The following ZNF407 variants were observed in gnomAD, a reference collection of about 807,000 sequenced individuals.
The protein encoded by ZNF407 is zinc finger protein 407.
In ZNF407, 17 loss-of-function variants were observed where a neutral mutation model predicts 131.2. That is an observed-to-expected ratio of 0.13 (90% CI 0.09 to 0.19). ZNF407 has a LOEUF of 0.19. Among genes scored for constraint, ZNF407 ranks in the 10% least tolerant of loss-of-function variants. The pLI is 1.00. For missense variants in ZNF407, 2,681 were observed against 2,830.6 expected, an observed-to-expected ratio of 0.95 and a Z score of 1.20; for synonymous variants, 1,156 against 1,062.0, an observed-to-expected ratio of 1.09 and a Z score of -1.72.
intron 4 of ZNF407, among the ~76,000 whole-genome samples, chr18:74,861,654 C>T (rs763690545): frequency 1.3e-5 from 2 of 152,130 alleles, no homozygotes; most frequent in African/African-American, 4.8e-5. Context: ...CCTACCATAT[C>T]GATAACGATT....
At chr18:74,779,109 A>ATATATATATATATTTT (rs397943457) in intron 3 of ZNF407, among the ~76,000 whole-genome samples, 1 of 24,376 alleles carries the variant, frequency 4.1e-5, no homozygotes, top group African/African-American at 1.4e-4. Flanking sequence ...ATATATATAT[A>ATATATATATATATTTT]TTTTTTTTTT....
chr18:75,028,989 A>T (rs1282728256), intron 8 of ZNF407, among the ~76,000 whole-genome samples: 2 of 152,348 alleles, frequency 1.3e-5, no homozygotes, highest in East Asian at 3.9e-4. Context: ...TTCTGCCCAC[A>T]GAATATCCTT....
intron 4 of ZNF407, among the ~76,000 whole-genome samples, chr18:74,852,847 ATTAGG>A (rs1173728323): frequency 2.6e-5 from 4 of 152,206 alleles, no homozygotes; most frequent in African/African-American, 9.6e-5. Flanking sequence ...CTTGATTTAT[ATTAGG>A]TTAGGAGTAG....
chr18:75,063,987 G>A lies in ZNF407; in HGVS notation c.6266G>A (p.Cys2089Tyr), dbSNP rs1283930732. 2 of 1,613,044 alleles carry A rather than the reference G, an allele frequency of 1.2e-6. No homozygotes were observed. Among genetic ancestry groups the A allele is most frequent in the Non-Finnish European group, 1.7e-6 (2 of 1,179,646 alleles). ...CAGGGCGTCCTCCAGTTTGCTGTGT[G>A]TGACACGGCCGCGGCCGGCCAGTTG... ...MVQGVLQFAVCDTAAAGQLVK... is the reference protein window; with the variant it reads ...MVQGVLQFAVYDTAAAGQLVK... The change falls in exon 9 of 9, where the codon TGT (cysteine) becomes TAT (tyrosine). Residue 2089 changes from cysteine to tyrosine, a missense_variant. By Grantham distance (194) the Cys-to-Tyr change is radical (BLOSUM62 -2). This residue lies in a region of ZNF407 where 620 missense variants were observed against 583.1 expected (regional missense o/e 1.06). Transcript: ENST00000299687. The surrounding 1 kb of genome is among the most constrained non-coding windows in gnomAD (Gnocchi z 6.6).
At chr18:74,661,087 T>G (rs1236508907) in intron 3 of ZNF407, among the ~76,000 whole-genome samples, 1 of 152,202 alleles carries the variant, frequency 6.6e-6, no homozygotes, top group Non-Finnish European at 1.5e-5. Context: ...GAGTGTTTTG[T>G]GAATGTTTAC....
intron 4 of ZNF407, among the ~76,000 whole-genome samples, chr18:74,808,228 G>A (rs1218613323): frequency 6.6e-6 from 1 of 152,144 alleles, no homozygotes; most frequent in East Asian, 1.9e-4. Flanking sequence ...TGATCAGGCT[G>A]GTCTCGAACT....
At chr18:74,883,532 C>T (rs564388893) in intron 6 of ZNF407, among the ~76,000 whole-genome samples, 7 of 152,328 alleles carry the variant, frequency 4.6e-5, no homozygotes, top group African/African-American at 1.4e-4. Context: ...GTCCAGGGGG[C>T]TGACACAAAA....
In ZNF407 at chr18:74,722,244, T is replaced by C. The variant is rs185879383; in HGVS notation, c.4803-59184T>C. On this transcript the variant is annotated intron_variant, in intron 3 of 8. Transcript: ENST00000299687. ...TTCTCGTAGGATCCTTACTGTACTT[T>C]TATTGGAATGCTTTAGATTTTTCCA... Among the ~76,000 whole-genome samples, 15 of 152,340 alleles carry C rather than the reference T, an allele frequency of 9.8e-5. No homozygotes were observed. The East Asian group carries it at 2.9e-3, about 29-fold the overall frequency.
chr18:74,920,742 T>C (rs147454736), intron 8 of ZNF407, 50 bp downstream of exon 8: 4 of 1,550,852 alleles, frequency 2.6e-6, no homozygotes, highest in Non-Finnish European at 1.8e-6. Context: ...TTTCATGTGA[T>C]CACAGCAGTT....
At chr18:74,689,464 A>G (rs552373396) in intron 3 of ZNF407, among the ~76,000 whole-genome samples, 18 of 152,340 alleles carry the variant, frequency 1.2e-4, no homozygotes, top group African/African-American at 3.8e-4. Context: ...GCAGTCAATG[A>G]AAGTTAGAAA....
At chr18:74,725,792 A>C (rs1164823914) in intron 3 of ZNF407, among the ~76,000 whole-genome samples, 1 of 152,146 alleles carries the variant, frequency 6.6e-6, no homozygotes, top group Non-Finnish European at 1.5e-5. Flanking sequence ...ATGTATCTGA[A>C]AGATATTTAT....
intron 8 of ZNF407, among the ~76,000 whole-genome samples, chr18:74,929,735 CAA>C (rs1405342161): frequency 4.6e-5 from 7 of 152,146 alleles, no homozygotes; most frequent in African/African-American, 1.4e-4. Flanking sequence ...AATAGCATGA[CAA>C]GTCTTTCAAA....
intron 8 of ZNF407, 135 bp downstream of exon 8, chr18:74,920,827 T>C: frequency 7.6e-7 from 1 of 1,314,238 alleles, no homozygotes; most frequent in South Asian, 2.8e-5. Context: ...TCAAGACCTA[T>C]AGAAAAGTAC....
chr18:74,921,509 C>G (rs560828755), intron 8 of ZNF407, among the ~76,000 whole-genome samples: 1 of 152,270 alleles, frequency 6.6e-6, no homozygotes, highest in East Asian at 1.9e-4. Context: ...GTGCTTTAAG[C>G]AGATGTTTTG....
chr18:74,674,289 G>A (rs530654138), intron 3 of ZNF407, among the ~76,000 whole-genome samples: 1 of 152,272 alleles, frequency 6.6e-6, no homozygotes, highest in African/African-American at 2.4e-5. Flanking sequence ...CCACTTGTTA[G>A]AGATCCAGGA....
chr18:74,841,837 C>T (rs1970638016), intron 4 of ZNF407, among the ~76,000 whole-genome samples: 1 of 152,210 alleles, frequency 6.6e-6, no homozygotes, highest in Non-Finnish European at 1.5e-5. Context: ...AAGTATCCAG[C>T]TTGCTTTGTA....
intron 3 of ZNF407, among the ~76,000 whole-genome samples, chr18:74,755,081 T>C (rs778287477): frequency 6.6e-6 from 1 of 152,246 alleles, no homozygotes; most frequent in Admixed American, 6.5e-5. Flanking sequence ...TCTTGTTGAA[T>C]TGATCCCTTT....
At position 74,623,512 on chromosome 18, in the gene ZNF407, A is replaced by G. The variant is rs577566804; in HGVS notation, c.-53-7455A>G. 3.9e-5 allele frequency among the ~76,000 whole-genome samples: 6 copies of G among 152,264 alleles called. No homozygotes were observed. The South Asian group carries it at 8.3e-4, about 21-fold the overall frequency. On this transcript the variant is annotated intron_variant, in intron 1 of 8. Transcript: ENST00000299687. ...AACAAAAGGATGAAAATGAAGGGAA[A>G]AATGTCATGCATGCCGCCCTAGCGT... is the stretch of plus-strand genomic sequence containing the variant.
chr18:75,040,012 G>GT (rs1973354810), intron 8 of ZNF407, among the ~76,000 whole-genome samples: 1 of 152,112 alleles, frequency 6.6e-6, no homozygotes, highest in African/African-American at 2.4e-5. Flanking sequence ...CAGCTACCTT[G>GT]TTGGTCTCTC....
Sources: allele counts gnomAD v4.1 joint callset (sites outside exome capture counted in the v4.1 genomes callset), GRCh38; gene constraint gnomAD v4.1.1; regional missense constraint gnomAD v4.1.1; non-coding constraint Gnocchi (gnomAD v3.1); transcripts MANE v1.5; gene names NCBI Gene and HGNC (gene_info 2026-07-23, HGNC 2026-07-21).